PIEZO2: variants seen among roughly 807,000 people sequenced by gnomAD.
PIEZO2 encodes piezo-type mechanosensitive ion channel component 2.
Under a neutral mutation model 337.3 loss-of-function variants are expected in PIEZO2, and 172 were observed. The observed-to-expected ratio is 0.51, with a 90% CI of 0.45 to 0.58. The LOEUF is 0.58. Ranked by LOEUF, PIEZO2 falls within the 20% of genes least tolerant of loss-of-function variation. The pLI is 0.00. For synonymous variants in PIEZO2, 1,251 were observed against 1,228.5 expected, an observed-to-expected ratio of 1.02 and a Z score of -0.38; for missense variants, 3,028 against 3,391.3, an observed-to-expected ratio of 0.89 and a Z score of 2.66.
At chr18:10,936,516 G>T (rs748385252) in intron 3 of PIEZO2, among the ~76,000 whole-genome samples, 1 of 152,136 alleles carries the variant, frequency 6.6e-6, no homozygotes, top group East Asian at 1.9e-4. Flanking sequence ...CTACCGATGC[G>T]AAAATGTTGC....
chr18:11,141,825 A>G (rs2040657475), intron 1 of PIEZO2, among the ~76,000 whole-genome samples: 1 of 152,188 alleles, frequency 6.6e-6, no homozygotes, highest in African/African-American at 2.4e-5. Flanking sequence ...GGGTTGCAGA[A>G]TGAAATCACT....
chr18:11,024,508 T>C (rs2036454148), intron 2 of PIEZO2, among the ~76,000 whole-genome samples: 3 of 131,654 alleles, frequency 2.3e-5, no homozygotes, highest in South Asian at 2.4e-4. Flanking sequence ...ATCGCGCCAC[T>C]GCACTCCAGC....
At position 10,781,745 on chromosome 18, in the gene PIEZO2, C is replaced by T. The variant is rs984458964; in HGVS notation, c.2493-1379G>A. On this transcript the variant is annotated intron_variant, in intron 17 of 55. Transcript: ENST00000674853. This position sits in a 1 kb window ranked among gnomAD's most constrained non-coding sequence, Gnocchi z 4.1. ...CAAGTGACATGTGCCTACATTACAT[C>T]TGTGTGCATAAGCACATATACACCA... is the stretch of plus-strand genomic sequence containing the variant. 7.2e-5 allele frequency among the ~76,000 whole-genome samples: 11 copies of T among 152,212 alleles called. No individual in the cohort carries two copies. Among genetic ancestry groups the T allele is most frequent in the Middle Eastern group, 6.8e-3 (2 of 294 alleles).
At chr18:10,871,441 G>GA (rs547759274) in intron 4 of PIEZO2, 26 bp from the exon 5 acceptor site, 28 of 1,512,970 alleles carry the variant, frequency 1.9e-5, no homozygotes, top group African/African-American at 1.4e-5. Context: ...AAGGGGAGGG[G>GA]AAAAAAATTT....
At chr18:10,890,059 C>T (rs1244945525) in intron 4 of PIEZO2, among the ~76,000 whole-genome samples, 1 of 152,184 alleles carries the variant, frequency 6.6e-6, no homozygotes, top group Non-Finnish European at 1.5e-5. Context: ...AATCTGCTCC[C>T]CCATCAAACT....
chr18:11,013,846 G>A (rs1471670), intron 2 of PIEZO2, among the ~76,000 whole-genome samples: 46,865 of 152,068 alleles, frequency 0.31, 7,579 homozygotes, highest in Non-Finnish European at 0.36. Flanking sequence ...AGTGGTGCCC[G>A]AAGATTGTGC....
intron 8 of PIEZO2, among the ~76,000 whole-genome samples, chr18:10,804,362 C>A (rs1359497867): frequency 6.6e-6 from 1 of 152,200 alleles, no homozygotes; most frequent in Admixed American, 6.5e-5. Context: ...CAGCTGCCGG[C>A]AATCTTCAAT....
chr18:10,826,011 T>C (rs1158425083), intron 7 of PIEZO2, among the ~76,000 whole-genome samples: 1 of 152,236 alleles, frequency 6.6e-6, no homozygotes, highest in Non-Finnish European at 1.5e-5. Context: ...CAATATAAAC[T>C]CACAATATGC....
Position 10,671,406 on chromosome 18 carries a change from A to G in PIEZO2, c.*121T>C. 9.3e-7 allele frequency: 1 copy of G among 1,080,958 alleles called. No homozygotes were observed. Among genetic ancestry groups the G allele is most frequent in the Non-Finnish European group, 1.3e-6 (1 of 779,416 alleles). The allele number at this position is 1,080,958 out of a possible 1,614,324, so 67.0% of individuals were successfully genotyped here. A position where few individuals can be genotyped will look rare whatever the true frequency, so the allele number is the denominator to read the frequency against. On this transcript the variant is annotated 3_prime_UTR_variant, in exon 56 of 56. Transcript: ENST00000674853. ...AGAAGGATATCAGCTCCTTTTGTCTACCTATCAGAAGAGAAACAAACCATT... is the reference window on the plus strand; with the variant it reads ...AGAAGGATATCAGCTCCTTTTGTCTGCCTATCAGAAGAGAAACAAACCATT...
At chr18:11,093,532 G>T (rs142515099) in intron 1 of PIEZO2, among the ~76,000 whole-genome samples, 19 of 148,180 alleles carry the variant, frequency 1.3e-4, no homozygotes, top group Admixed American at 1.3e-3. Flanking sequence ...TTGACGTGTC[G>T]AAAGACGGAT....
At position 10,726,460 on chromosome 18, in the gene PIEZO2, C is replaced by G. The variant is rs1222056176; in HGVS notation, c.5029+4947G>C. 5 of 1,528,808 alleles carry G rather than the reference C, an allele frequency of 3.3e-6. No homozygotes were observed. The highest frequency in any genetic ancestry group is 2.4e-5 in the South Asian group (2 of 83,064). The allele number at this position is 1,528,808 out of a possible 1,614,324, so 94.7% of individuals were successfully genotyped here. ...TACGGGCTACGGCCGGCGAACCCCA[C>G]GAGGAGGGCCTGGCCACCCTGCACA... On this transcript the variant is annotated intron_variant, in intron 36 of 55. Transcript: ENST00000674853. The surrounding 1 kb of genome is among the most constrained non-coding windows in gnomAD (Gnocchi z 5.9).
intron 2 of PIEZO2, among the ~76,000 whole-genome samples, chr18:11,056,412 G>A (rs986646069): frequency 3.3e-5 from 5 of 152,170 alleles, no homozygotes; most frequent in Admixed American, 6.5e-5. Context: ...GAAGAGCCTC[G>A]AGAGGAAGTC....
intron 7 of PIEZO2, among the ~76,000 whole-genome samples, chr18:10,839,312 A>G (rs1479267609): frequency 6.6e-6 from 1 of 152,074 alleles, no homozygotes; most frequent in Non-Finnish European, 1.5e-5. Flanking sequence ...CCATTACAGG[A>G]CTCACTTATT....
chr18:10,721,342 T>A (rs1303881852), intron 36 of PIEZO2, among the ~76,000 whole-genome samples: 3 of 152,222 alleles, frequency 2.0e-5, no homozygotes, highest in Non-Finnish European at 4.4e-5. Context: ...ATGTGCTTCA[T>A]CTATCTGGAA....
At chr18:10,826,164 T>A (rs2040671758) in intron 7 of PIEZO2, among the ~76,000 whole-genome samples, 1 of 152,210 alleles carries the variant, frequency 6.6e-6, no homozygotes, top group African/African-American at 2.4e-5. Flanking sequence ...GAGAGTGGTA[T>A]TTAGAAACCA....
rs2037527659 is a variant in PIEZO2 at position 10,748,792 on chromosome 18, A to C, written c.4265-162T>G. ...TGATTTATTTACAAGGAGATCACAC[A>C]CTTCCAATCCAATATCAACACTGAT... is the stretch of plus-strand genomic sequence containing the variant. On this transcript the variant is annotated intron_variant, in intron 29 of 55. Coordinates refer to ENST00000674853, the MANE Select transcript of PIEZO2 (RefSeq NM_001378183.1). This position sits in a 1 kb window ranked among gnomAD's most constrained non-coding sequence, Gnocchi z 5.1. 6.6e-6 allele frequency among the ~76,000 whole-genome samples: 1 copy of C among 152,212 alleles called. No homozygotes were observed. Among genetic ancestry groups the C allele is most frequent in the African/African-American group, 2.4e-5 (1 of 41,464 alleles).
rs756015809 is a variant in PIEZO2 at position 10,726,315 on chromosome 18, G to A, written c.5029+5092C>T. ...CCAGAGCCCCGGCCAGGTGGAGCAG[G>A]TGGGTCCCCGAACGCCCCGCCCAGC... On this transcript the variant is annotated intron_variant, in intron 36 of 55. Coordinates refer to ENST00000674853, the MANE Select transcript of PIEZO2 (RefSeq NM_001378183.1). This position sits in a 1 kb window ranked among gnomAD's most constrained non-coding sequence, Gnocchi z 5.9. The A allele has an allele frequency of 1.6e-6, 2 of 1,263,426 alleles. No individual in the cohort carries two copies. The highest frequency in any genetic ancestry group is 2.2e-6 in the Non-Finnish European group (2 of 915,996). 78.3% of individuals were successfully genotyped at this position (1,263,426 alleles called of 1,614,324 possible). A position where few individuals can be genotyped will look rare whatever the true frequency, so the allele number is the denominator to read the frequency against.
rs1190724870 is a variant in PIEZO2, at chr18:11,021,410, C to T, written c.161-41750G>A. On this transcript the variant is annotated intron_variant, in intron 2 of 55. Coordinates refer to ENST00000674853, the MANE Select transcript of PIEZO2 (RefSeq NM_001378183.1). This position sits in a 1 kb window ranked among gnomAD's most constrained non-coding sequence, Gnocchi z 4.7. ...CCACTCTTGTATTCCATGCAACCTG[C>T]GTGTGTCTGAAACAATGTTTCCTTC... Among the ~76,000 whole-genome samples the T allele has an allele frequency of 6.6e-6, 1 of 152,108 alleles. No individual in the cohort carries two copies. Among genetic ancestry groups the T allele is most frequent in the Non-Finnish European group, 1.5e-5 (1 of 68,032 alleles).
intron 7 of PIEZO2, among the ~76,000 whole-genome samples, chr18:10,841,110 A>C (rs2041177628): frequency 6.6e-6 from 1 of 152,200 alleles, no homozygotes; most frequent in African/African-American, 2.4e-5. Context: ...TGTTCAGGTG[A>C]GTGACAGGAA....
Sources: allele counts gnomAD v4.1 joint callset (sites outside exome capture counted in the v4.1 genomes callset), GRCh38; gene constraint gnomAD v4.1.1; non-coding constraint Gnocchi (gnomAD v3.1); transcripts MANE v1.5; gene names NCBI Gene and HGNC (gene_info 2026-07-23, HGNC 2026-07-21).